Variants in PTPRD observed in about 807,000 individuals in gnomAD.
The protein encoded by PTPRD is protein tyrosine phosphatase receptor type D, also known as receptor-type tyrosine-protein phosphatase delta.
In PTPRD, 34 loss-of-function variants were observed where a neutral mutation model predicts 214.5. That is an observed-to-expected ratio of 0.16 (90% CI 0.12 to 0.21). PTPRD has a LOEUF of 0.21. Ranked by LOEUF, PTPRD falls within the 10% of genes least tolerant of loss-of-function variation. The pLI is 1.00. For synonymous variants in PTPRD, 1,128 were observed against 845.7 expected (o/e 1.33, Z -5.79); for missense variants, 2,545 against 2,398.7 (o/e 1.06, Z -1.27).
intron 11 of PTPRD, among the ~76,000 whole-genome samples, chr9:8,778,708 A>C (rs1021096702): frequency 1.3e-5 from 2 of 152,206 alleles, no homozygotes; most frequent in South Asian, 4.1e-4. Flanking sequence ...AAAGATCAGT[A>C]ATACTGAAAC....
intron 3 of PTPRD, among the ~76,000 whole-genome samples, chr9:10,278,992 T>C (rs921683897): frequency 5.3e-5 from 8 of 152,102 alleles, no homozygotes; most frequent in Admixed American, 2.0e-4. Context: ...GCCAGGATGA[T>C]CTCGATCTCC....
chr9:9,200,625 G>A (rs1336573378), intron 9 of PTPRD, among the ~76,000 whole-genome samples: 1 of 152,172 alleles, frequency 6.6e-6, no homozygotes, highest in Non-Finnish European at 1.5e-5. Context: ...AGATTTCATT[G>A]ATTTTTTCAT....
At chr9:8,534,869 C>G (rs917527583) in intron 14 of PTPRD, among the ~76,000 whole-genome samples, 1 of 151,736 alleles carries the variant, frequency 6.6e-6, no homozygotes, top group Admixed American at 6.6e-5. Flanking sequence ...GAAAATTACA[C>G]CATATATTGA....
At chr9:9,457,366 G>A (rs774136545) in intron 8 of PTPRD, among the ~76,000 whole-genome samples, 1 of 151,856 alleles carries the variant, frequency 6.6e-6, no homozygotes. Flanking sequence ...GTCCTCTCTT[G>A]GGCACTGTTA....
intron 4 of PTPRD, 124 bp from the exon 5 acceptor site, chr9:9,938,734 G>C (rs2090426215): frequency 6.6e-6 from 1 of 152,136 alleles, no homozygotes; most frequent in Non-Finnish European, 1.5e-5. Context: ...ACAAAGGAAA[G>C]AAGTATAAAC....
intron 3 of PTPRD, among the ~76,000 whole-genome samples, chr9:10,085,483 G>C (rs1315939036): frequency 6.6e-6 from 1 of 151,728 alleles, no homozygotes; most frequent in Non-Finnish European, 1.5e-5. Flanking sequence ...GTTTCTGTTG[G>C]TCATTTCATC....
At chr9:9,908,044 T>TA (rs1488446322) in intron 5 of PTPRD, among the ~76,000 whole-genome samples, 5 of 150,052 alleles carry the variant, frequency 3.3e-5, no homozygotes, top group Admixed American at 6.7e-5. Context: ...TATGAGAACA[T>TA]ATACACCAAG....
At chr9:8,843,781 A>G (rs2154536955) in intron 11 of PTPRD, among the ~76,000 whole-genome samples, 1 of 152,264 alleles carries the variant, frequency 6.6e-6, no homozygotes, top group Middle Eastern at 3.4e-3. Context: ...AGGGTTGGCA[A>G]GGACCCCATT....
At chr9:9,705,888 A>G (rs1024051017) in intron 7 of PTPRD, among the ~76,000 whole-genome samples, 1 of 152,128 alleles carries the variant, frequency 6.6e-6, no homozygotes, top group Admixed American at 6.5e-5. Flanking sequence ...AGTGACCTCA[A>G]AGAGAGGTAG....
intron 5 of PTPRD, among the ~76,000 whole-genome samples, chr9:9,836,979 T>A (rs1419184019): frequency 1.3e-5 from 2 of 152,134 alleles, no homozygotes; most frequent in African/African-American, 4.8e-5. Context: ...CACCTATGTG[T>A]GGTATTAATT....
chr9:9,956,389 C>T (rs1393753601), intron 4 of PTPRD, among the ~76,000 whole-genome samples: 1 of 151,726 alleles, frequency 6.6e-6, no homozygotes, highest in Non-Finnish European at 1.5e-5. Context: ...TTTATTTCTG[C>T]ACGAACCTGA....
chr9:10,273,606 C>T (rs2094531240), intron 3 of PTPRD, among the ~76,000 whole-genome samples: 1 of 151,950 alleles, frequency 6.6e-6, no homozygotes, highest in African/African-American at 2.4e-5. Flanking sequence ...AGAATTTCTC[C>T]AAGGACATAT....
intron 9 of PTPRD, among the ~76,000 whole-genome samples, chr9:9,255,972 C>T (rs1353548283): frequency 2.0e-5 from 3 of 152,010 alleles, no homozygotes; most frequent in Admixed American, 6.6e-5. Flanking sequence ...TTTTGGATTA[C>T]AGGGCTTGAA....
chr9:8,868,928 AC>A (rs755927759), intron 11 of PTPRD, among the ~76,000 whole-genome samples: 9 of 152,064 alleles, frequency 5.9e-5, no homozygotes, highest in South Asian at 4.1e-4. Context: ...ATGAAGGAAA[AC>A]CCTTTTTATC....
intron 2 of PTPRD, among the ~76,000 whole-genome samples, chr9:10,519,567 T>C (rs908033097): frequency 2.0e-5 from 3 of 152,186 alleles, no homozygotes; most frequent in Non-Finnish European, 2.9e-5. Flanking sequence ...CATAGAGGCA[T>C]ACCTCATTTT....
intron 10 of PTPRD, among the ~76,000 whole-genome samples, chr9:9,134,604 T>A (rs980398764): frequency 8.5e-5 from 13 of 152,250 alleles, no homozygotes; most frequent in Non-Finnish European, 1.6e-4. Context: ...AGAGTAAAAA[T>A]TTAGGTATTT....
intron 11 of PTPRD, among the ~76,000 whole-genome samples, chr9:8,918,702 A>G (rs1281233881): frequency 2.0e-5 from 3 of 152,154 alleles, no homozygotes; most frequent in Non-Finnish European, 2.9e-5. Context: ...TTGCTTAACT[A>G]GATGCCAACT....
intron 12 of PTPRD, among the ~76,000 whole-genome samples, chr9:8,684,384 A>G (rs968040544): frequency 6.6e-6 from 1 of 152,176 alleles, no homozygotes; most frequent in Non-Finnish European, 1.5e-5. Flanking sequence ...AAGGTGCTCA[A>G]TGTCACACAG....
chr9:10,219,525 T>C (rs1564602724), intron 3 of PTPRD, among the ~76,000 whole-genome samples: 1 of 151,770 alleles, frequency 6.6e-6, no homozygotes, highest in Non-Finnish European at 1.5e-5. Context: ...AGAGGCCCAT[T>C]TGTGTAGAGT....
Sources: gnomAD v4.1 joint callset for allele counts (sites outside exome capture counted in the v4.1 genomes callset) on GRCh38, gnomAD v4.1.1 for gene constraint, MANE v1.5 for transcripts, NCBI Gene and HGNC (gene_info 2026-07-23, HGNC 2026-07-21) for gene names.